The following ITM2B variants were observed in gnomAD, a reference collection of about 807,000 sequenced individuals.
ITM2B encodes the protein integral membrane protein 2B.
A neutral mutation model predicts 27.8 loss-of-function variants in ITM2B; 11 were observed. The observed-to-expected ratio is 0.40, with a 90% CI of 0.25 to 0.66. The LOEUF (loss-of-function observed/expected upper bound fraction) is 0.66, where lower values mean the gene tolerates loss of function less well. ITM2B is among the 30% of genes least tolerant of loss of function. ITM2B has a pLI of 0.43. For synonymous variants in ITM2B, 114 were observed against 114.3 expected, an observed-to-expected ratio of 1.00 and a Z score of 0.02; for missense variants, 296 against 328.9, an observed-to-expected ratio of 0.90 and a Z score of 0.77.
At chr13:48,257,994 T>G (rs1449916375) in intron 3 of ITM2B, 132 bp from the exon 4 acceptor site, 2 of 622,940 alleles carry the variant, frequency 3.2e-6, no homozygotes, top group Non-Finnish European at 6.0e-6. Flanking sequence ...AAATTCTGAA[T>G]TTGTTGAAAT....
At chr13:48,233,631 G>T (rs1951649956) in intron 1 of ITM2B, among the ~76,000 whole-genome samples, 154 bp downstream of exon 1, 1 of 152,160 alleles carries the variant, frequency 6.6e-6, no homozygotes, top group South Asian at 2.1e-4. Context: ...TTTCCTGTGG[G>T]TCCGCAGCTC....
At chr13:48,261,057 C>A in intron 5 of ITM2B, 82 bp from the exon 6 acceptor site, 1 of 926,250 alleles carries the variant, frequency 1.1e-6, no homozygotes, top group Non-Finnish European at 1.7e-6. Flanking sequence ...TTCTATATGT[C>A]TAAATAATAA....
In ITM2B at chr13:48,265,119, T is replaced by A. The variant is rs1951844918; in HGVS notation, c.*3895T>A. The A allele has an allele frequency of 6.6e-6, 1 of 152,182 alleles. No homozygotes were observed. The allele number at this position is 152,182 out of a possible 1,614,324, so 9.4% of individuals were successfully genotyped here. The stretch of plus-strand genomic sequence containing the variant: ...AATAATTTGATGGGACTTCTGTATC[T>A]GATTTTTAAGCTTGCATTTGTGTTT... On this transcript the variant is annotated 3_prime_UTR_variant, in exon 6 of 6. Transcript: ENST00000647800.
In ITM2B at chr13:48,250,390, C is replaced by T. The variant is rs75781166; in HGVS notation, c.118-3418C>T. The stretch of plus-strand genomic sequence containing the variant: ...ATCCGAGCACTTTGGGAGGCCGAGG[C>T]GGGTGAATCACGAGGTCAGGAGATT... On this transcript the variant is annotated intron_variant, in intron 1 of 5. Transcript: ENST00000647800. 1.3e-3 allele frequency among the ~76,000 whole-genome samples: 191 copies of T among 152,160 alleles called. 6 individuals carry two copies. The East Asian group carries it at 0.034, about 27-fold the overall frequency.
intron 1 of ITM2B, among the ~76,000 whole-genome samples, chr13:48,234,033 C>A (rs1192817360): frequency 1.3e-5 from 2 of 152,034 alleles, no homozygotes; most frequent in East Asian, 3.9e-4. Context: ...GGCAGGTGAA[C>A]TTCACCTGGA....
intron 1 of ITM2B, among the ~76,000 whole-genome samples, chr13:48,236,982 C>T (rs545890424): frequency 6.6e-6 from 1 of 152,286 alleles, no homozygotes; most frequent in South Asian, 2.1e-4. Flanking sequence ...GGCCGACTCA[C>T]CCAGTAAAAG....
chr13:48,243,202 T>A (rs1369566713), intron 1 of ITM2B, among the ~76,000 whole-genome samples: 2 of 152,344 alleles, frequency 1.3e-5, no homozygotes, highest in East Asian at 3.9e-4. Context: ...TAGAGGCAAC[T>A]CATTACCAAC....
intron 1 of ITM2B, among the ~76,000 whole-genome samples, chr13:48,244,463 C>T (rs943106613): frequency 5.3e-5 from 8 of 152,296 alleles, no homozygotes; most frequent in Non-Finnish European, 1.2e-4. Context: ...ACAAGTATTC[C>T]TGATCTTTAG....
At chr13:48,234,256 A>G (rs1951654052) in intron 1 of ITM2B, among the ~76,000 whole-genome samples, 1 of 152,052 alleles carries the variant, frequency 6.6e-6, no homozygotes, top group African/African-American at 2.4e-5. Context: ...ATTTTACAAA[A>G]TCTCCCTTTA....
chr13:48,235,857 T>C (rs1484622314), intron 1 of ITM2B, among the ~76,000 whole-genome samples: 2 of 152,206 alleles, frequency 1.3e-5, no homozygotes, highest in African/African-American at 4.8e-5. Context: ...CCGCAGACCA[T>C]TGTTTTCCAA....
chr13:48,261,408 G>A lies in ITM2B; in HGVS notation c.*184G>A. 1 of 531,426 alleles carries A rather than the reference G, an allele frequency of 1.9e-6. No homozygotes were observed. Among genetic ancestry groups the A allele is most frequent in the Non-Finnish European group, 3.3e-6 (1 of 298,988 alleles). The allele number at this position is 531,426 out of a possible 1,614,324, so 32.9% of individuals were successfully genotyped here. On this transcript the variant is annotated 3_prime_UTR_variant, in exon 6 of 6. Coordinates refer to ENST00000647800, the MANE Select transcript of ITM2B (RefSeq NM_021999.5). ...TTAAAATTTTTTTCTTTCGAAGTGT[G>A]GTGTCTTTTATATTTGAATTAGTAA...
chr13:48,244,158 C>T (rs1415189052), intron 1 of ITM2B, among the ~76,000 whole-genome samples: 1 of 152,168 alleles, frequency 6.6e-6, no homozygotes, highest in Non-Finnish European at 1.5e-5. Context: ...TTCAGAAGCA[C>T]CTACTGGATA....
chr13:48,251,160 T>C (rs1475151429), intron 1 of ITM2B, among the ~76,000 whole-genome samples: 1 of 152,238 alleles, frequency 6.6e-6, no homozygotes, highest in Admixed American at 6.5e-5. Flanking sequence ...CTCATACTCA[T>C]CTCCACCATA....
At chr13:48,249,291 G>T (rs185060300) in intron 1 of ITM2B, among the ~76,000 whole-genome samples, 242 of 152,250 alleles carry the variant, frequency 1.6e-3, no homozygotes, top group African/African-American at 5.5e-3. Flanking sequence ...GCATGTTTTT[G>T]AGATTCAGTC....
intron 1 of ITM2B, among the ~76,000 whole-genome samples, chr13:48,240,745 G>A (rs1951695394): frequency 2.0e-5 from 3 of 152,118 alleles, no homozygotes. Flanking sequence ...ATATAGTCCT[G>A]CCCTATGTCA....
At chr13:48,245,959 TA>T (rs1218069145) in intron 1 of ITM2B, among the ~76,000 whole-genome samples, 40 of 152,156 alleles carry the variant, frequency 2.6e-4, no homozygotes, top group Admixed American at 1.8e-3. Flanking sequence ...TTTGTATTTT[TA>T]GTAGAGATGG....
rs945727692 is a variant in ITM2B at position 48,233,235 on chromosome 13, C to G, written c.-126C>G. 7.0e-6 allele frequency: 4 copies of G among 567,724 alleles called. No individual in the cohort carries two copies. The highest frequency in any genetic ancestry group is 4.7e-5 in the South Asian group (2 of 42,670). The allele number at this position is 567,724 out of a possible 1,614,324, so 35.2% of individuals were successfully genotyped here. A position where few individuals can be genotyped will look rare whatever the true frequency, so the allele number is the denominator to read the frequency against. ...GCCGCCTCTGCCGCCGCGGAGCTTC[C>G]CGAACCTCTTCAGCCGCCCGGAGCC... On this transcript the variant is annotated 5_prime_UTR_variant, in exon 1 of 6. Transcript: ENST00000647800.
At chr13:48,247,957 C>CT (rs1265974297) in intron 1 of ITM2B, among the ~76,000 whole-genome samples, 2 of 151,518 alleles carry the variant, frequency 1.3e-5, no homozygotes, top group Non-Finnish European at 2.9e-5. Context: ...GTTCTGTTAC[C>CT]TTTTAAGCGC....
At chr13:48,249,064 T>C (rs1376983783) in intron 1 of ITM2B, among the ~76,000 whole-genome samples, 4 of 152,188 alleles carry the variant, frequency 2.6e-5, no homozygotes, top group Non-Finnish European at 5.9e-5. Flanking sequence ...TTGATTGAAT[T>C]TATGGTAATT....
Sources: gnomAD v4.1 joint callset for allele counts (sites outside exome capture counted in the v4.1 genomes callset) on GRCh38, gnomAD v4.1.1 for gene constraint, MANE v1.5 for transcripts, NCBI Gene and HGNC (gene_info 2026-07-23, HGNC 2026-07-21) for gene names.